Variants in UTP14C observed in about 807,000 individuals in gnomAD.
UTP14C encodes U3 small nucleolar RNA-associated protein 14 homolog C.
A neutral mutation model predicts 14.6 loss-of-function variants in UTP14C; 10 were observed. The observed-to-expected ratio is 0.68, with a 90% CI of 0.42 to 1.16. UTP14C has a LOEUF of 1.16. UTP14C is among the 50% of genes most tolerant of loss of function. UTP14C has a pLI of 0.00. For missense variants in UTP14C, 818 were observed against 890.8 expected (o/e 0.92, Z 1.04); for synonymous variants, 315 against 331.6 (o/e 0.95, Z 0.54).
chr13:52,025,124 A>G (rs1016237245), intron 1 of UTP14C, among the ~76,000 whole-genome samples, 187 bp downstream of exon 1: 3 of 152,220 alleles, frequency 2.0e-5, no homozygotes, highest in Admixed American at 2.0e-4. Context: ...GTATTTATTG[A>G]CCAATTCCTG....
At chr13:52,025,014 T>C in intron 1 of UTP14C, 77 bp downstream of exon 1, 3 of 1,448,692 alleles carry the variant, frequency 2.1e-6, no homozygotes, top group Non-Finnish European at 2.9e-6. Flanking sequence ...ATGATAATAC[T>C]CTGGAAATCT....
intron 1 of UTP14C, among the ~76,000 whole-genome samples, chr13:52,025,861 T>C (rs1308500831): frequency 6.6e-6 from 1 of 152,226 alleles, no homozygotes; most frequent in Non-Finnish European, 1.5e-5. Context: ...TTACTCCTAG[T>C]TAGTAGTGTA....
chr13:52,028,560 C>T lies in UTP14C; in HGVS notation c.-245C>T, dbSNP rs1426284202. 6.2e-7 allele frequency: 1 copy of T among 1,614,074 alleles called. No homozygotes were observed. Among genetic ancestry groups the T allele is most frequent in the Admixed American group, 1.7e-5 (1 of 60,016 alleles). On this transcript the variant is annotated 5_prime_UTR_variant, in exon 2 of 2. Coordinates refer to ENST00000521776, the MANE Select transcript of UTP14C (RefSeq NM_021645.6). ...CTGATCAGGAATTTGAAGTGACATT[C>T]CTATCATCTGTGGAAAAGTTATTTA... is the stretch of plus-strand genomic sequence containing the variant.
chr13:52,027,037 T>C (rs986530620), intron 1 of UTP14C, among the ~76,000 whole-genome samples: 15 of 151,284 alleles, frequency 9.9e-5, no homozygotes, highest in African/African-American at 3.7e-4. Context: ...GAAGAGAGTG[T>C]TTGGAGAAGA....
Position 52,028,471 on chromosome 13 carries a change from TC to T in UTP14C, c.-332del. 6.2e-7 allele frequency: 1 copy of T among 1,614,180 alleles called. No homozygotes were observed. Among genetic ancestry groups the T allele is most frequent in the Non-Finnish European group, 8.5e-7 (1 of 1,180,036 alleles). On this transcript the variant is annotated 5_prime_UTR_variant, in exon 2 of 2. The change creates a premature stop within an existing upstream ORF in the 5' untranslated region. Coordinates refer to ENST00000521776, the MANE Select transcript of UTP14C (RefSeq NM_021645.6). Reference sequence around the variant, plus strand: ...TGCTGAAACTATCGCTCACATTCTTTCCATGTCTGCAGAAAAGAGACTCCAA... The same window carrying T: ...TGCTGAAACTATCGCTCACATTCTTTCATGTCTGCAGAAAAGAGACTCCAA...
In UTP14C at chr13:52,032,049, G is replaced by A. The variant is rs570540013; in HGVS notation, c.*944G>A. 6.5e-6 allele frequency: 1 copy of A among 154,114 alleles called. No homozygotes were observed. The highest frequency in any genetic ancestry group is 2.4e-5 in the African/African-American group (1 of 41,412). The allele number at this position is 154,114 out of a possible 1,614,324, so 9.5% of individuals were successfully genotyped here. A position where few individuals can be genotyped will look rare whatever the true frequency, so the allele number is the denominator to read the frequency against. ...AGCCTGAACAACATGGTGAAACCCT[G>A]TCTGTACTAAAAATACAAAAAAATT... On this transcript the variant is annotated 3_prime_UTR_variant, in exon 2 of 2. Transcript: ENST00000521776.
At chr13:52,028,070 G>A (rs971761255) in intron 1 of UTP14C, among the ~76,000 whole-genome samples, 1 of 151,814 alleles carries the variant, frequency 6.6e-6, no homozygotes, top group African/African-American at 2.4e-5. Flanking sequence ...GCCAGCCTGG[G>A]CAACATAGTG....
rs1451900020 is a variant in UTP14C, at chr13:52,029,303, A to G, written c.499A>G (p.Ile167Val). ...TCCCCTGGGGAAGGAGCAGCCAGCC[A>G]TTGCTCCCATTGAACATGCGCTCAG... Reference protein sequence around the residue: ...VFPLGKEQPAIAPIEHALSGW... With the variant: ...VFPLGKEQPAVAPIEHALSGW... The change falls in exon 2 of 2, where the codon ATT (isoleucine) becomes GTT (valine). Residue 167 changes from isoleucine (I) to valine (V), a missense_variant. By Grantham distance (29) the Ile-to-Val change is conservative. Transcript: ENST00000521776. 1.2e-6 allele frequency: 2 copies of G among 1,614,046 alleles called. No individual in the cohort carries two copies. Among genetic ancestry groups the G allele is most frequent in the African/African-American group, 2.7e-5 (2 of 74,914 alleles).
In UTP14C at chr13:52,029,267, C is replaced by T. The variant is rs762863800; in HGVS notation, c.463C>T (p.Gln155Ter). ...CATCCTGAAGAACCAGCAGGCAGAG[C>T]AGCTGGTTTTTCCCCTGGGGAAGGA... is the stretch of plus-strand genomic sequence containing the variant. ...PIILKNQQAE[Q>*]LVFPLGKEQP... The change falls in exon 2 of 2, where the codon CAG becomes TAG. Residue 155 changes from glutamine (Q) to a stop codon, truncating the protein, a stop_gained. Transcript: ENST00000521776. LOFTEE classifies it low-confidence loss of function (END_TRUNC). The T allele has an allele frequency of 3.1e-6, 5 of 1,614,202 alleles. No homozygotes were observed. The East Asian group carries it at 1.1e-4, about 36-fold the overall frequency.
At chr13:52,025,055 C>A in intron 1 of UTP14C, 118 bp downstream of exon 1, 2 of 1,160,148 alleles carry the variant, frequency 1.7e-6, no homozygotes, top group Non-Finnish European at 2.5e-6. Context: ...TGCCCTCATC[C>A]ACCAAATGTG....
rs544549377 is a variant in UTP14C at position 52,031,566 on chromosome 13, C to T, written c.*461C>T. 17 of 177,320 alleles carry T rather than the reference C, an allele frequency of 9.6e-5. No individual in the cohort carries two copies. The South Asian group carries it at 2.8e-3, about 29-fold the overall frequency. 11.0% of individuals were successfully genotyped at this position (177,320 alleles called of 1,614,324 possible). A position where few individuals can be genotyped will look rare whatever the true frequency, so the allele number is the denominator to read the frequency against. On this transcript the variant is annotated 3_prime_UTR_variant, in exon 2 of 2. Transcript: ENST00000521776. ...CACATTTGTGTGGGTCTCTCATTGT[C>T]CCTTAACAGTGCCGCATCTCAGCCT...
Position 52,028,736 on chromosome 13 carries a change from TG to T in UTP14C, c.-68del. 3.7e-6 allele frequency: 6 copies of T among 1,608,666 alleles called. No homozygotes were observed. Among genetic ancestry groups the T allele is most frequent in the Non-Finnish European group, 5.1e-6 (6 of 1,176,108 alleles). ...TTCCTTTTAGAATAAAAGGAAGTGT[TG>T]AAAAGAAAATGGATGACTAGCCTTC... On this transcript the variant is annotated 5_prime_UTR_variant, in exon 2 of 2. Transcript: ENST00000521776.
chr13:52,024,749 T>C lies in UTP14C; in HGVS notation c.-675T>C. 1 of 1,614,228 alleles carries C rather than the reference T, an allele frequency of 6.2e-7. No homozygotes were observed. The highest frequency in any genetic ancestry group is 1.3e-5 in the African/African-American group (1 of 75,056). ...GAGTCACCTCCTTCGCTTAAACTTG[T>C]CCTCATTGGAGGTTGTCGTAACAAA... On this transcript the variant is annotated 5_prime_UTR_variant, in exon 1 of 2. Transcript: ENST00000521776.
rs1023350013 is a variant in UTP14C at position 52,024,879 on chromosome 13, T to G, written c.-545T>G. 6.2e-7 allele frequency: 1 copy of G among 1,613,720 alleles called. No homozygotes were observed. The highest frequency in any genetic ancestry group is 8.5e-7 in the Non-Finnish European group (1 of 1,180,018). On this transcript the variant is annotated 5_prime_UTR_variant, in exon 1 of 2. Coordinates refer to ENST00000521776, the MANE Select transcript of UTP14C (RefSeq NM_021645.6). ...ACATTCCATTTGATGAATTAAAGAA[T>G]TATTTGTCTGAAGCAACAATTGGTC...
chr13:52,031,265 G>A lies in UTP14C; in HGVS notation c.*160G>A. 9.1e-7 allele frequency: 1 copy of A among 1,097,054 alleles called. No individual in the cohort carries two copies. Among genetic ancestry groups the A allele is most frequent in the Non-Finnish European group, 1.3e-6 (1 of 785,312 alleles). 68.0% of individuals were successfully genotyped at this position (1,097,054 alleles called of 1,614,324 possible). On this transcript the variant is annotated 3_prime_UTR_variant, in exon 2 of 2. Transcript: ENST00000521776. Reference sequence around the variant, plus strand: ...AAAATGGATGACCATTAATTGACTAGCATTTTAGAATTGATCAGACATTAG... The same window carrying A: ...AAAATGGATGACCATTAATTGACTAACATTTTAGAATTGATCAGACATTAG...
At chr13:52,025,687 A>G (rs917068287) in intron 1 of UTP14C, among the ~76,000 whole-genome samples, 4 of 152,214 alleles carry the variant, frequency 2.6e-5, no homozygotes, top group Non-Finnish European at 5.9e-5. Context: ...TGACCTGTTA[A>G]GCACACATTT....
chr13:52,025,003 AATG>A (rs1593903730), intron 1 of UTP14C, 66 bp downstream of exon 1: 1 of 1,499,860 alleles, frequency 6.7e-7, no homozygotes, highest in Non-Finnish European at 9.2e-7. Flanking sequence ...CTTTTGATAA[AATG>A]ATAATACTCT....
rs998779163 is a variant in UTP14C at position 52,033,404 on chromosome 13, A to C, written c.*2299A>C. The C allele has an allele frequency of 1.2e-5, 2 of 167,060 alleles. No homozygotes were observed. The highest frequency in any genetic ancestry group is 6.5e-5 in the Admixed American group (1 of 15,282). The allele number at this position is 167,060 out of a possible 1,614,324, so 10.3% of individuals were successfully genotyped here. On this transcript the variant is annotated 3_prime_UTR_variant, in exon 2 of 2. Coordinates refer to ENST00000521776, the MANE Select transcript of UTP14C (RefSeq NM_021645.6). Reference sequence around the variant, plus strand: ...TTAGATTTGTATTTAGACATGATTTATATCTAATATAGATACAAAGTCTGT... The same window carrying C: ...TTAGATTTGTATTTAGACATGATTTCTATCTAATATAGATACAAAGTCTGT...
rs1954283799 is a variant in UTP14C, at chr13:52,030,106, C to T, written c.1302C>T (p.Leu434=). The T allele has an allele frequency of 6.2e-7, 1 of 1,614,194 alleles. No individual in the cohort carries two copies. Among genetic ancestry groups the T allele is most frequent in the South Asian group, 1.1e-5 (1 of 91,088 alleles). ...AATCCCTTAGAAAAAGATCTGAGCTCAACCAGGATGCTGAGCCAGCAAGCA... is the reference window on the plus strand; with the variant it reads ...AATCCCTTAGAAAAAGATCTGAGCTTAACCAGGATGCTGAGCCAGCAAGCA... The part of the protein sequence containing the change: ...ERQSLRKRSE[L]NQDAEPASSQ... Residue 434 remains leucine, a synonymous_variant, in exon 2 of 2, where the codon CTC becomes CTT. Coordinates refer to ENST00000521776, the MANE Select transcript of UTP14C (RefSeq NM_021645.6).
Sources: gnomAD v4.1 joint callset for allele counts (sites outside exome capture counted in the v4.1 genomes callset) on GRCh38, gnomAD v4.1.1 for gene constraint, MANE v1.5 for transcripts, NCBI Gene and HGNC (gene_info 2026-07-23, HGNC 2026-07-21) for gene names.